Variants in CLASP1 observed in about 807,000 individuals in gnomAD.
CLASP1 encodes the protein cytoplasmic linker associated protein 1.
Under a neutral mutation model 192.3 loss-of-function variants are expected in CLASP1, and 38 were observed. The ratio of observed to expected loss-of-function variants is 0.20; its 90% confidence interval spans 0.15 to 0.26. CLASP1 has a LOEUF of 0.26. Among genes scored for constraint, CLASP1 ranks in the 10% least tolerant of loss-of-function variants. The pLI is 1.00. For synonymous variants in CLASP1, 691 were observed against 712.8 expected (o/e 0.97, Z 0.49); for missense variants, 1,433 against 1,932.5 (o/e 0.74, Z 4.85).
chr2:121,602,124 G>A (rs1381034782), intron 2 of CLASP1, among the ~76,000 whole-genome samples: 2 of 150,746 alleles, frequency 1.3e-5, no homozygotes, highest in Admixed American at 6.6e-5. Flanking sequence ...GCAGTGAGCC[G>A]AGATTACGCC....
At chr2:121,398,571 T>C (rs935965685) in intron 28 of CLASP1, among the ~76,000 whole-genome samples, 171 bp from the exon 30 acceptor site, 3 of 152,138 alleles carry the variant, frequency 2.0e-5, no homozygotes, top group Admixed American at 6.6e-5. Context: ...ATACAGAAAA[T>C]ATGGAAAAAG....
rs142606583 is a variant in CLASP1, at chr2:121,358,141, G to A, written c.4206+5031C>T. On this transcript the variant is annotated intron_variant, in intron 37 of 39. Transcript: ENST00000263710. ...CAGTAACTTGGAATCTCTCAATGAA[G>A]CTAAACAGGTTTTGGGGTTTTGTCT... Among the ~76,000 whole-genome samples, 323 of 152,248 alleles carry A rather than the reference G, an allele frequency of 2.1e-3. 1 individual carries two copies. Among genetic ancestry groups the A allele is most frequent in the African/African-American group, 7.3e-3 (304 of 41,548 alleles).
intron 8 of CLASP1, among the ~76,000 whole-genome samples, chr2:121,496,514 C>G (rs1013471549): frequency 7.9e-5 from 12 of 152,294 alleles, no homozygotes; most frequent in Middle Eastern, 3.4e-3. Flanking sequence ...GAAAAAGAAT[C>G]TAGTCATCTC....
At chr2:121,351,365 A>G (rs1307462482) in intron 37 of CLASP1, among the ~76,000 whole-genome samples, 3 of 152,166 alleles carry the variant, frequency 2.0e-5, no homozygotes, top group Admixed American at 6.5e-5. Context: ...TTCTGGTGGC[A>G]TTTCCATGTG....
At chr2:121,574,632 A>C (rs2060304880) in intron 2 of CLASP1, among the ~76,000 whole-genome samples, 2 of 107,184 alleles carry the variant, frequency 1.9e-5, no homozygotes, top group African/African-American at 8.4e-5. Context: ...AAGACTCCAT[A>C]TCAAAAAAAA....
intron 28 of CLASP1, 95 bp from the exon 30 acceptor site, chr2:121,398,495 T>G: frequency 1.2e-6 from 1 of 822,758 alleles, no homozygotes; most frequent in South Asian, 1.7e-5. Flanking sequence ...TAAGTTAATG[T>G]ATGTAAAACC....
chr2:121,640,164 G>C (rs2071757759), intron 1 of CLASP1, among the ~76,000 whole-genome samples: 1 of 143,788 alleles, frequency 7.0e-6, no homozygotes, highest in South Asian at 2.2e-4. Flanking sequence ...GATAGGAACT[G>C]AACAATGAGA....
intron 6 of CLASP1, among the ~76,000 whole-genome samples, chr2:121,522,127 T>C (rs182530726): frequency 8.3e-4 from 126 of 152,206 alleles, no homozygotes; most frequent in African/African-American, 2.9e-3. Flanking sequence ...TCTGTGTATG[T>C]GTGTGTGTGC....
intron 1 of CLASP1, among the ~76,000 whole-genome samples, chr2:121,630,379 GAA>G (rs2069280651): frequency 9.5e-6 from 1 of 105,268 alleles, no homozygotes; most frequent in Admixed American, 1.2e-4. Context: ...ATATTGGAAA[GAA>G]ACACACACAC....
chr2:121,543,986 A>G (rs1404993584), intron 2 of CLASP1, among the ~76,000 whole-genome samples: 1 of 152,220 alleles, frequency 6.6e-6, no homozygotes, highest in Non-Finnish European at 1.5e-5. Flanking sequence ...AGATAAGGAA[A>G]CTAAGCCCAA....
chr2:121,570,936 C>T (rs1015145656), intron 2 of CLASP1, among the ~76,000 whole-genome samples: 1 of 151,956 alleles, frequency 6.6e-6, no homozygotes, highest in African/African-American at 2.4e-5. Context: ...TGAAAGTCAC[C>T]CACGGGATTT....
At position 121,431,183 on chromosome 2, in the gene CLASP1, A is replaced by G. The variant is rs564464038; in HGVS notation, c.1913-1006T>C. On this transcript the variant is annotated intron_variant, in intron 19 of 39. Coordinates refer to ENST00000263710, the Ensembl canonical transcript of CLASP1. ...TCCTAAAGCTTGAAAAAGTTTCAAG[A>G]AAGGAAGGTAAAGAGCAATGAAAGA... Among the ~76,000 whole-genome samples the G allele has an allele frequency of 7.9e-5, 12 of 152,304 alleles. No homozygotes were observed. In the South Asian group the frequency reaches 2.5e-3, roughly 32 times the overall value.
intron 2 of CLASP1, chr2:121,531,116 TGTCGCAAGTA>T (rs1434384144): frequency 1.1e-5 from 7 of 636,470 alleles, no homozygotes; most frequent in Non-Finnish European, 2.0e-5. Context: ...GTGGTTTTAG[TGTCGCAAGTA>T]AAGTTCTTTC....
At chr2:121,424,296 T>TTG (rs962885996) in intron 22 of CLASP1, among the ~76,000 whole-genome samples, 19 of 152,230 alleles carry the variant, frequency 1.2e-4, no homozygotes, top group African/African-American at 4.6e-4. Context: ...TATCTTCTAA[T>TTG]TCTCAGGTCT....
chr2:121,542,754 A>AGTTAT (rs1383585601), intron 2 of CLASP1, among the ~76,000 whole-genome samples: 1 of 152,244 alleles, frequency 6.6e-6, no homozygotes, highest in Non-Finnish European at 1.5e-5. Context: ...GGACTTACAA[A>AGTTAT]GTTATGGGCT....
chr2:121,460,696 A>G (rs1559291546), intron 11 of CLASP1, among the ~76,000 whole-genome samples: 1 of 152,186 alleles, frequency 6.6e-6, no homozygotes. Context: ...CTTTCCATTA[A>G]TCTACTTTTA....
chr2:121,442,476 T>C (rs956096638), intron 19 of CLASP1, among the ~76,000 whole-genome samples: 4 of 151,706 alleles, frequency 2.6e-5, no homozygotes, highest in African/African-American at 9.7e-5. Context: ...TGCCTAAATT[T>C]CTTTCTTTTT....
intron 19 of CLASP1, among the ~76,000 whole-genome samples, chr2:121,445,142 T>C (rs1160811981): frequency 3.3e-5 from 5 of 152,224 alleles, no homozygotes; most frequent in African/African-American, 7.2e-5. Context: ...GTGCCTTGTA[T>C]TGAAATTAGC....
At chr2:121,629,090 G>A (rs1473327249) in intron 1 of CLASP1, among the ~76,000 whole-genome samples, 1 of 152,036 alleles carries the variant, frequency 6.6e-6, no homozygotes, top group African/African-American at 2.4e-5. Context: ...TACCAACAAT[G>A]ATGATAAAAA....
Sources: gnomAD v4.1 joint callset for allele counts (sites outside exome capture counted in the v4.1 genomes callset) on GRCh38, gnomAD v4.1.1 for gene constraint, MANE v1.5 for transcripts, NCBI Gene and HGNC (gene_info 2026-07-23, HGNC 2026-07-21) for gene names.